Variants in DIP2A observed in about 807,000 individuals in gnomAD.
DIP2A encodes disco-interacting protein 2 homolog A.
A neutral mutation model predicts 177.4 loss-of-function variants in DIP2A; 85 were observed. The ratio of observed to expected loss-of-function variants is 0.48; its 90% CI spans 0.40 to 0.57. The LOEUF (loss-of-function observed/expected upper bound fraction) is 0.57, where lower values mean the gene tolerates loss of function less well. Ranked by LOEUF, DIP2A falls within the 20% of genes least tolerant of loss-of-function variation. The pLI is 0.00. For synonymous variants in DIP2A, 886 were observed against 881.8 expected (o/e 1.00, Z -0.08); for missense variants, 1,791 against 2,100.2 (o/e 0.85, Z 2.88).
At position 46,556,102 on chromosome 21, in the gene DIP2A, T is replaced by C. The variant is rs2060458983; in HGVS notation, c.3498+11T>C. ...TTAGCGGGAGTGAAGGTAGGTCCTC[T>C]GAAATCTTGTTTGCTTCAGCCCCTA... On this transcript the variant is annotated intron_variant, in intron 29 of 37. Coordinates refer to ENST00000417564, the MANE Select transcript of DIP2A (RefSeq NM_015151.4). This position sits in a 1 kb window ranked among gnomAD's most constrained non-coding sequence, Gnocchi z 4.5. 1 of 1,607,988 alleles carries C rather than the reference T, an allele frequency of 6.2e-7. No homozygotes were observed. The highest frequency in any genetic ancestry group is 1.7e-5 in the Admixed American group (1 of 60,008).
At chr21:46,465,561 T>A (rs1001285485) in intron 1 of DIP2A, among the ~76,000 whole-genome samples, 1 of 152,202 alleles carries the variant, frequency 6.6e-6, no homozygotes, top group African/African-American at 2.4e-5. Context: ...TTCACTGTGT[T>A]GACACTTGTA....
chr21:46,526,450 A>G (rs2059097844), intron 8 of DIP2A, among the ~76,000 whole-genome samples: 1 of 148,910 alleles, frequency 6.7e-6, no homozygotes, highest in Non-Finnish European at 1.5e-5. Flanking sequence ...GCTGGAGTGC[A>G]GTGGCACGAT....
At chr21:46,463,755 C>G (rs1330319838) in intron 1 of DIP2A, among the ~76,000 whole-genome samples, 5 of 149,760 alleles carry the variant, frequency 3.3e-5, no homozygotes, top group Non-Finnish European at 5.9e-5. Flanking sequence ...GTTGCCCAGT[C>G]TGGAGTTCAG....
At chr21:46,488,356 C>T (rs2056811897) in intron 2 of DIP2A, among the ~76,000 whole-genome samples, 1 of 152,130 alleles carries the variant, frequency 6.6e-6, no homozygotes, top group South Asian at 2.1e-4. Context: ...GATAGGAGAC[C>T]TGGGAGCTAG....
chr21:46,582,660 A>C, the DIP2A span, among the ~76,000 whole-genome samples: 1 of 151,824 alleles, frequency 6.6e-6, no homozygotes, highest in Middle Eastern at 3.4e-3. Flanking sequence ...TCTCAATGAG[A>C]GAACCTGGGT....
At position 46,563,844 on chromosome 21, in the gene DIP2A, TCTC is replaced by T; in HGVS notation, c.4090-8_4090-6del. The T allele has an allele frequency of 6.2e-7, 1 of 1,612,450 alleles. No homozygotes were observed. The highest frequency in any genetic ancestry group is 1.1e-5 in the South Asian group (1 of 90,714). On this transcript the variant is annotated splice_polypyrimidine_tract_variant and intron_variant, in intron 34 of 37. Transcript: ENST00000417564. The surrounding 1 kb of genome is among the most constrained non-coding windows in gnomAD (Gnocchi z 4.3). The stretch of plus-strand genomic sequence containing the variant: ...TGTTTTCTTTAACAAGGGACATAGC[TCTC>T]CTCCTTCCAGATCCTCCCCGGCGTG...
chr21:46,582,216 TAG>T, the DIP2A span, among the ~76,000 whole-genome samples: 2 of 152,186 alleles, frequency 1.3e-5, no homozygotes, highest in African/African-American at 4.8e-5. Context: ...AGCAGCAGTC[TAG>T]CCATGATCTG....
At chr21:46,496,910 AC>A (rs150329133) in intron 3 of DIP2A, 77 bp from the exon 4 acceptor site, 102,063 of 1,445,370 alleles carry the variant, frequency 0.071, 4,023 homozygotes, top group Non-Finnish European at 0.08. Flanking sequence ...CTGAAAACAA[AC>A]AAAAACATGA....
intron 22 of DIP2A, 122 bp from the exon 23 acceptor site, chr21:46,550,421 A>T (rs971734572): frequency 7.8e-6 from 7 of 896,962 alleles, no homozygotes; most frequent in Middle Eastern, 3.4e-4. Flanking sequence ...CAAAGTGTCC[A>T]GAGGGCATTC....
At chr21:46,499,700 G>A (rs2057546220) in intron 5 of DIP2A, among the ~76,000 whole-genome samples, 1 of 152,198 alleles carries the variant, frequency 6.6e-6, no homozygotes, top group Admixed American at 6.5e-5. Flanking sequence ...CAGCAGCATA[G>A]TTAGCTGTAT....
rs762054063 is a variant in DIP2A, at chr21:46,477,571, T to TGTGTGTG, written c.92-7186_92-7185insGTGTGTG. 3.8e-3 allele frequency among the ~76,000 whole-genome samples: 252 copies of TGTGTGTG among 66,554 alleles called. 6 individuals carry two copies. The highest frequency in any genetic ancestry group is 5.2e-3 in the Non-Finnish European group (188 of 35,960). The allele number at this position is 66,554 out of a possible 152,430, so 43.7% of individuals were successfully genotyped here. ...TGTGTGTGTGTGTGTGTGTGTGTAT[T>TGTGTGTG]TCTTTTTTTTTTTTTTTCTTGAGTC... is the stretch of plus-strand genomic sequence containing the variant. On this transcript the variant is annotated intron_variant, in intron 1 of 37. Coordinates refer to ENST00000417564, the MANE Select transcript of DIP2A (RefSeq NM_015151.4).
Position 46,563,589 on chromosome 21 carries a change from T to A in DIP2A, c.4090-269T>A, listed in dbSNP as rs2060740533. On this transcript the variant is annotated intron_variant, in intron 34 of 37. Coordinates refer to ENST00000417564, the MANE Select transcript of DIP2A (RefSeq NM_015151.4). The surrounding 1 kb of genome is among the most constrained non-coding windows in gnomAD (Gnocchi z 4.3). ...CTGGCATCACCTGGCTGATTGTCTT[T>A]GTAGGCTTAGTGACCCTCTGCCCCT... 1 of 452,148 alleles carries A rather than the reference T, an allele frequency of 2.2e-6. No individual in the cohort carries two copies. The highest frequency in any genetic ancestry group is 2.5e-5 in the South Asian group (1 of 40,658). The allele number at this position is 452,148 out of a possible 1,614,324, so 28.0% of individuals were successfully genotyped here. A position where few individuals can be genotyped will look rare whatever the true frequency, so the allele number is the denominator to read the frequency against.
At chr21:46,571,874 A>G (rs528533696), downstream of DIP2A, among the ~76,000 whole-genome samples, 7 of 152,244 alleles carry the variant, frequency 4.6e-5, no homozygotes, top group Non-Finnish European at 8.8e-5. Context: ...CTCTTTTCCT[A>G]TTTGAATATG....
Position 46,556,921 on chromosome 21 carries a change from C to T in DIP2A, c.3499-18C>T, listed in dbSNP as rs1881889575. On this transcript the variant is annotated intron_variant, in intron 29 of 37. Coordinates refer to ENST00000417564, the MANE Select transcript of DIP2A (RefSeq NM_015151.4). This position sits in a 1 kb window ranked among gnomAD's most constrained non-coding sequence, Gnocchi z 4.5. ...TTTCATTTCACTTTTTTTTTTTGAA[C>T]TTTATTTTACTCTTAAGATGTCGCA... 8.6e-6 allele frequency: 13 copies of T among 1,502,926 alleles called. No individual in the cohort carries two copies. In the Admixed American group the frequency reaches 9.0e-5, roughly 10 times the overall value. The allele number at this position is 1,502,926 out of a possible 1,614,324, so 93.1% of individuals were successfully genotyped here. A position where few individuals can be genotyped will look rare whatever the true frequency, so the allele number is the denominator to read the frequency against.
intron 35 of DIP2A, 119 bp from the exon 36 acceptor site, chr21:46,565,594 C>T (rs2839332): frequency 0.089 from 91,024 of 1,028,250 alleles, 5,431 homozygotes; most frequent in African/African-American, 0.26. Context: ...TGAATATTAT[C>T]CGCCCCGACT....
chr21:46,487,690 C>T (rs892062119), intron 2 of DIP2A, among the ~76,000 whole-genome samples: 6 of 152,016 alleles, frequency 3.9e-5, no homozygotes, highest in African/African-American at 1.4e-4. Flanking sequence ...TTTCTGTTTT[C>T]AAATATGAAA....
the DIP2A span, among the ~76,000 whole-genome samples, chr21:46,579,875 G>A: frequency 6.6e-6 from 1 of 152,140 alleles, no homozygotes. Context: ...CCAATTATGT[G>A]ATCAGTTTTA....
At chr21:46,490,741 T>C (rs746949068) in intron 3 of DIP2A, 22 bp downstream of exon 3, 76 of 1,552,642 alleles carry the variant, frequency 4.9e-5, no homozygotes, top group Non-Finnish European at 6.4e-5. Context: ...GCCTAGGCAG[T>C]GGGGAAGGTG....
chr21:46,558,331 C>T lies in DIP2A; in HGVS notation c.3907C>T (p.Leu1303=), dbSNP rs1173962041. Residue 1303 remains leucine, a synonymous_variant, in exon 32 of 38, where the codon CTG becomes TTG. Transcript: ENST00000417564. ...SFSKLFKDLG[L]PARAVSTTFG... is the part of the protein sequence containing the mutation. ...CTCCAAGCTCTTCAAGGACCTGGGC[C>T]TGCCGGCCCGCGCCGTAAGCACCAC... The T allele has an allele frequency of 6.2e-7, 1 of 1,607,722 alleles. No individual in the cohort carries two copies. The highest frequency in any genetic ancestry group is 1.1e-5 in the South Asian group (1 of 89,744).
Sources: allele counts gnomAD v4.1 joint callset (sites outside exome capture counted in the v4.1 genomes callset), GRCh38; gene constraint gnomAD v4.1.1; non-coding constraint Gnocchi (gnomAD v3.1); transcripts MANE v1.5; gene names NCBI Gene and HGNC (gene_info 2026-07-23, HGNC 2026-07-21).